Variants in CFAP299 observed in about 807,000 individuals in gnomAD.
The protein encoded by CFAP299 is cilia- and flagella-associated protein 299.
CFAP299 carries 21 observed loss-of-function variants against 27.0 expected under a neutral mutation model. The observed-to-expected ratio is 0.78, with a 90% CI of 0.55 to 1.12. The LOEUF (loss-of-function observed/expected upper bound fraction) is 1.12. Ranked by LOEUF, CFAP299 falls within the 50% of genes most tolerant of loss-of-function variation. The pLI is 0.00. For synonymous variants in CFAP299, 104 were observed against 98.1 expected (o/e 1.06, Z -0.36); for missense variants, 310 against 276.6 (o/e 1.12, Z -0.86).
At chr4:80,886,721 CAG>C (rs1553903310) in intron 4 of CFAP299, among the ~76,000 whole-genome samples, 8 of 152,044 alleles carry the variant, frequency 5.3e-5, no homozygotes, top group Non-Finnish European at 5.9e-5. Flanking sequence ...GTAACTTCAC[CAG>C]TATAAATAAG....
intron 4 of CFAP299, among the ~76,000 whole-genome samples, chr4:80,925,958 T>A (rs2110214483): frequency 6.6e-6 from 1 of 152,168 alleles, no homozygotes; most frequent in South Asian, 2.1e-4. Context: ...AGAACAGAAC[T>A]TTAGTTTCTA....
At chr4:80,736,043 C>T (rs564666200) in intron 3 of CFAP299, among the ~76,000 whole-genome samples, 1 of 152,164 alleles carries the variant, frequency 6.6e-6, no homozygotes, top group East Asian at 1.9e-4. Context: ...CCTGTTCACT[C>T]TGGTGGTAGT....
intron 3 of CFAP299, among the ~76,000 whole-genome samples, chr4:80,700,281 G>A (rs1367423521): frequency 1.3e-5 from 2 of 151,970 alleles, no homozygotes; most frequent in Non-Finnish European, 2.9e-5. Flanking sequence ...TACTTCATAG[G>A]ACTTTTGTGA....
chr4:80,606,554 G>A lies in CFAP299; in HGVS notation c.333+23371G>A, dbSNP rs542490428. On this transcript the variant is annotated intron_variant, in intron 3 of 5. Coordinates refer to ENST00000358105, the MANE Select transcript of CFAP299 (RefSeq NM_152770.3). ...TGTTTTTTTAAAAAAAAGATATGTA[G>A]CCATAGCTACAGTAATAGGTATATA... Among the ~76,000 whole-genome samples, 90 of 152,122 alleles carry A rather than the reference G, an allele frequency of 5.9e-4. 1 individual carries two copies. In the Middle Eastern group the frequency reaches 0.01, roughly 17 times the overall value.
At chr4:80,925,776 G>A (rs572837586) in intron 4 of CFAP299, among the ~76,000 whole-genome samples, 1 of 152,150 alleles carries the variant, frequency 6.6e-6, no homozygotes, top group Admixed American at 6.6e-5. Flanking sequence ...CAGTCTCGTG[G>A]TAATGAAGGA....
At chr4:80,334,109 C>T (rs1430147866), upstream of CFAP299, among the ~76,000 whole-genome samples, 1 of 152,152 alleles carries the variant, frequency 6.6e-6, no homozygotes, top group East Asian at 1.9e-4. Context: ...TTTCTAGACT[C>T]ATTGACTGAA....
At chr4:80,591,481 C>T (rs2109886170) in intron 3 of CFAP299, among the ~76,000 whole-genome samples, 1 of 152,246 alleles carries the variant, frequency 6.6e-6, no homozygotes, top group Admixed American at 6.5e-5. Context: ...AGAGGTCGAA[C>T]TTTGGCGTGG....
intron 2 of CFAP299, among the ~76,000 whole-genome samples, chr4:80,516,469 G>A (rs184330653): frequency 6.6e-6 from 1 of 152,274 alleles, no homozygotes; most frequent in East Asian, 1.9e-4. Flanking sequence ...AATCATGATG[G>A]AAGGTGAAGG....
chr4:80,725,225 G>T (rs28394697), intron 3 of CFAP299, among the ~76,000 whole-genome samples: 21,122 of 149,248 alleles, frequency 0.14, 2,332 homozygotes, highest in African/African-American at 0.3. Flanking sequence ...CAAACTGCTG[G>T]GATTACAGAC....
At chr4:80,889,144 A>G (rs1473084779) in intron 4 of CFAP299, among the ~76,000 whole-genome samples, 2 of 151,926 alleles carry the variant, frequency 1.3e-5, no homozygotes, top group African/African-American at 4.8e-5. Flanking sequence ...TCAAAGCAAA[A>G]ATAAACGAAT....
At chr4:80,557,259 C>T (rs977978306) in intron 2 of CFAP299, among the ~76,000 whole-genome samples, 3 of 151,980 alleles carry the variant, frequency 2.0e-5, no homozygotes, top group East Asian at 3.9e-4. Flanking sequence ...CATGACAGTC[C>T]CTGGGCCTAG....
intron 3 of CFAP299, among the ~76,000 whole-genome samples, chr4:80,781,485 A>C: frequency 6.6e-6 from 1 of 152,114 alleles, no homozygotes; most frequent in Non-Finnish European, 1.5e-5. Context: ...TGGGTTTCAT[A>C]AAAAGCAGAA....
rs1739192877 is a variant in CFAP299 at position 80,631,286 on chromosome 4, A to G, written c.333+48103A>G. 2.0e-5 allele frequency among the ~76,000 whole-genome samples: 3 copies of G among 152,160 alleles called. No individual in the cohort carries two copies. In the South Asian group the frequency reaches 6.2e-4, roughly 32 times the overall value. On this transcript the variant is annotated intron_variant, in intron 3 of 5. Transcript: ENST00000358105. ...TTGTTGGTATAGCATTATATAATTC[A>G]TGTCTTATTAGTTTATTTAAATATG... is the stretch of plus-strand genomic sequence containing the variant.
At chr4:80,379,179 A>G (rs1724571721) in intron 2 of CFAP299, among the ~76,000 whole-genome samples, 1 of 152,038 alleles carries the variant, frequency 6.6e-6, no homozygotes, top group African/African-American at 2.4e-5. Context: ...GTATCATTCA[A>G]GGTATTTGTT....
At chr4:80,841,749 T>C (rs1278927410) in intron 3 of CFAP299, among the ~76,000 whole-genome samples, 2 of 152,176 alleles carry the variant, frequency 1.3e-5, no homozygotes, top group Non-Finnish European at 2.9e-5. Context: ...AGTAGGCCCA[T>C]GGCAGAGCTA....
intron 4 of CFAP299, among the ~76,000 whole-genome samples, chr4:80,878,412 A>G (rs1440457175): frequency 6.6e-6 from 1 of 152,136 alleles, no homozygotes; most frequent in Non-Finnish European, 1.5e-5. Flanking sequence ...CTTTTAGACA[A>G]GAACTTCTCC....
chr4:80,719,358 C>G (rs1722686115), intron 3 of CFAP299, among the ~76,000 whole-genome samples: 1 of 152,100 alleles, frequency 6.6e-6, no homozygotes, highest in Admixed American at 6.5e-5. Flanking sequence ...AAGATAAACT[C>G]AAGTGCATTA....
chr4:80,799,784 TTATATATTATATTATATAATATATAA>T (rs1560417421), intron 3 of CFAP299, among the ~76,000 whole-genome samples: 4 of 32,330 alleles, frequency 1.2e-4, no homozygotes, highest in Admixed American at 5.8e-4. Context: ...GATATATATA[TTATATATTATATTATATAATATATAA>T]ATATATATAT....
At chr4:80,807,374 T>G (rs1179528305) in intron 3 of CFAP299, among the ~76,000 whole-genome samples, 2 of 152,104 alleles carry the variant, frequency 1.3e-5, no homozygotes, top group African/African-American at 4.8e-5. Context: ...AAAATTAATC[T>G]ACTCATCTGC....
Sources: gnomAD v4.1 joint callset for allele counts (sites outside exome capture counted in the v4.1 genomes callset) on GRCh38, gnomAD v4.1.1 for gene constraint, MANE v1.5 for transcripts, NCBI Gene and HGNC (gene_info 2026-07-23, HGNC 2026-07-21) for gene names.